The following PSD3 variants were observed in gnomAD, a reference collection of about 807,000 sequenced individuals.
PSD3 encodes the protein pleckstrin and Sec7 domain containing 3, also known as PH and SEC7 domain-containing protein 3.
Under a neutral mutation model 105.5 loss-of-function variants are expected in PSD3, and 49 were observed. The observed-to-expected ratio is 0.46, with a 90% CI of 0.37 to 0.59. PSD3 has a LOEUF of 0.59. PSD3 is among the 20% of genes least tolerant of loss of function. The probability of loss-of-function intolerance (pLI) is 0.00; values close to 1 mark genes in which losing one functional copy is unlikely to be tolerated. For missense variants in PSD3, 1,561 were observed against 1,263.8 expected, an observed-to-expected ratio of 1.24 and a Z score of -3.57; for synonymous variants, 557 against 457.8, an observed-to-expected ratio of 1.22 and a Z score of -2.77.
chr8:18,603,736 C>T (rs1230118455), intron 11 of PSD3, among the ~76,000 whole-genome samples: 4 of 152,156 alleles, frequency 2.6e-5, no homozygotes, highest in South Asian at 2.1e-4. Flanking sequence ...ATCCGCTTCT[C>T]GTGACACTGA....
At position 18,618,917 on chromosome 8, in the gene PSD3, T is replaced by C. The variant is rs192117761; in HGVS notation, c.2410+13696A>G. 2.0e-5 allele frequency among the ~76,000 whole-genome samples: 3 copies of C among 152,254 alleles called. No homozygotes were observed. The East Asian group carries it at 5.8e-4, about 29-fold the overall frequency. ...CTCAGGCTGTGGTGGAATACGCTTA[T>C]CCATGACCTTTGTGTCCAAAGATAT... On this transcript the variant is annotated intron_variant, in intron 11 of 15. Transcript: ENST00000327040.
At chr8:18,901,016 C>T (rs995255446) in intron 2 of PSD3, among the ~76,000 whole-genome samples, 3 of 151,968 alleles carry the variant, frequency 2.0e-5, no homozygotes, top group African/African-American at 4.8e-5. Flanking sequence ...TTACATTTCT[C>T]GGGACTGCAA....
intron 9 of PSD3, among the ~76,000 whole-genome samples, chr8:18,692,586 G>C (rs1173185481): frequency 6.6e-6 from 1 of 152,178 alleles, no homozygotes; most frequent in Non-Finnish European, 1.5e-5. Context: ...ATATATTTAA[G>C]AAGGATGATG....
chr8:18,903,812 C>G (rs1385972862), intron 2 of PSD3, among the ~76,000 whole-genome samples: 1 of 151,966 alleles, frequency 6.6e-6, no homozygotes, highest in Non-Finnish European at 1.5e-5. Context: ...GCCAAGGCAC[C>G]GTTTTGGGGA....
chr8:18,953,754 A>G (rs1325867300), intron 1 of PSD3, among the ~76,000 whole-genome samples: 1 of 151,378 alleles, frequency 6.6e-6, no homozygotes, highest in African/African-American at 2.4e-5. Flanking sequence ...CTCAAAAAAG[A>G]AAAGAAAAGA....
At chr8:18,828,555 C>T (rs999479981) in intron 4 of PSD3, among the ~76,000 whole-genome samples, 1 of 151,998 alleles carries the variant, frequency 6.6e-6, no homozygotes, top group African/African-American at 2.4e-5. Flanking sequence ...AATCCCAGCA[C>T]CCTGGGAGGC....
chr8:18,762,739 G>T, intron 9 of PSD3: 1 of 342,952 alleles, frequency 2.9e-6, no homozygotes, highest in Non-Finnish European at 5.3e-6. Flanking sequence ...ACAGTATAAG[G>T]CAAATTCAGA....
In PSD3 at chr8:18,572,583, G is replaced by T. The variant is rs1242073795; in HGVS notation, c.2729C>A (p.Ser910Tyr). 1 of 1,614,000 alleles carries T rather than the reference G, an allele frequency of 6.2e-7. No individual in the cohort carries two copies. Among genetic ancestry groups the T allele is most frequent in the African/African-American group, 1.3e-5 (1 of 74,932 alleles). Residue 910 changes from serine to tyrosine, a missense_variant, in exon 14 of 16, where the codon TCT becomes TAT. Transcript: ENST00000327040. The part of the protein sequence containing the change: ...SAPPFPAAIG[S>Y]QKKFSRPLLP... ...AAGTGGGCGGCTAAACTTCTTCTGA[G>T]AGCCGATTGCTGCTGGAAATGGTGG... is the stretch of plus-strand genomic sequence containing the variant.
At chr8:18,968,181 G>C (rs1030644407) in intron 1 of PSD3, among the ~76,000 whole-genome samples, 1 of 152,170 alleles carries the variant, frequency 6.6e-6, no homozygotes, top group African/African-American at 2.4e-5. Flanking sequence ...CTTCAGGGCA[G>C]CCACTGGCTT....
chr8:18,947,583 G>A (rs574061696), intron 1 of PSD3, among the ~76,000 whole-genome samples: 2 of 152,344 alleles, frequency 1.3e-5, no homozygotes, highest in East Asian at 3.9e-4. Flanking sequence ...CCAGAGCAGA[G>A]CCGCAGTGGC....
At chr8:18,833,809 GAAATA>G (rs1263850486) in intron 4 of PSD3, among the ~76,000 whole-genome samples, 2 of 152,088 alleles carry the variant, frequency 1.3e-5, no homozygotes, top group African/African-American at 4.8e-5. Context: ...GAAAAAGGTA[GAAATA>G]AAATAATTAC....
At chr8:19,064,800 G>T (rs1204940487) in intron 1 of PSD3, among the ~76,000 whole-genome samples, 1 of 150,972 alleles carries the variant, frequency 6.6e-6, no homozygotes. Flanking sequence ...AACATGAAAT[G>T]CCAGGAATTA....
chr8:18,601,461 C>T (rs1804434902), intron 11 of PSD3, among the ~76,000 whole-genome samples: 1 of 152,130 alleles, frequency 6.6e-6, no homozygotes, highest in African/African-American at 2.4e-5. Context: ...TTATTGTCAA[C>T]CAAATCCTTT....
At chr8:18,767,744 T>C (rs1300127545) in intron 8 of PSD3, among the ~76,000 whole-genome samples, 3 of 151,798 alleles carry the variant, frequency 2.0e-5, no homozygotes, top group African/African-American at 7.3e-5. Flanking sequence ...CAAGACTCCG[T>C]CTCAAAACAG....
intron 4 of PSD3, among the ~76,000 whole-genome samples, chr8:18,848,044 G>A (rs1182546648): frequency 3.3e-5 from 5 of 152,154 alleles, no homozygotes; most frequent in East Asian, 3.9e-4. Context: ...GAAGGAACAC[G>A]TGTCATCAAG....
chr8:18,564,111 CT>C (rs11360174), intron 14 of PSD3, among the ~76,000 whole-genome samples: 57,164 of 148,160 alleles, frequency 0.39, 10,684 homozygotes, highest in East Asian at 0.51. Context: ...TTTTCTTCTT[CT>C]TTTTTTTTTT....
In PSD3 at chr8:18,916,378, A is replaced by ACACAC. The variant is rs71218909; in HGVS notation, c.130+19655_130+19656insGTGTG. Reference sequence around the variant, plus strand: ...CACACACACACACACACACACACACAAACAGAATACTATACAGCCTTAAAA... The same window carrying ACACAC: ...CACACACACACACACACACACACACACACACAACAGAATACTATACAGCCTTAAAA... On this transcript the variant is annotated intron_variant, in intron 2 of 15. Transcript: ENST00000327040. Among the ~76,000 whole-genome samples, 278 of 84,010 alleles carry ACACAC rather than the reference A, an allele frequency of 3.3e-3. 27 individuals carry two copies. Among genetic ancestry groups the ACACAC allele is most frequent in the African/African-American group, 5.1e-3 (110 of 21,724 alleles). The allele number at this position is 84,010 out of a possible 152,430, so 55.1% of individuals were successfully genotyped here. A position where few individuals can be genotyped will look rare whatever the true frequency, so the allele number is the denominator to read the frequency against.
chr8:19,002,986 T>C (rs1174204461), intron 1 of PSD3, among the ~76,000 whole-genome samples: 7 of 152,052 alleles, frequency 4.6e-5, no homozygotes, highest in Non-Finnish European at 8.8e-5. Context: ...TAACCTACCA[T>C]CCAGGTCACA....
At chr8:18,997,463 G>T (rs1826142024) in intron 1 of PSD3, among the ~76,000 whole-genome samples, 1 of 151,820 alleles carries the variant, frequency 6.6e-6, no homozygotes, top group Admixed American at 6.6e-5. Flanking sequence ...CTCCCAACTG[G>T]TTTTCCTACT....
Sources: allele counts gnomAD v4.1 joint callset (sites outside exome capture counted in the v4.1 genomes callset), GRCh38; gene constraint gnomAD v4.1.1; transcripts MANE v1.5; gene names NCBI Gene and HGNC (gene_info 2026-07-23, HGNC 2026-07-21).